Variants in CACHD1 observed in about 807,000 individuals in gnomAD.
CACHD1 encodes the protein VWFA and cache domain-containing protein 1.
A neutral mutation model predicts 138.7 loss-of-function variants in CACHD1; 71 were observed. The ratio of observed to expected loss-of-function variants is 0.51; its 90% CI spans 0.42 to 0.62. The LOEUF is 0.62. CACHD1 is among the 20% of genes least tolerant of loss of function. The probability of loss-of-function intolerance (pLI) is 0.00; values close to 1 mark genes in which losing one functional copy is unlikely to be tolerated. For missense variants in CACHD1, 1,389 were observed against 1,625.3 expected (o/e 0.85, Z 2.50); for synonymous variants, 578 against 591.5 (o/e 0.98, Z 0.33).
chr1:64,681,330 G>T lies in CACHD1; in HGVS notation c.3479G>T (p.Gly1160Val), dbSNP rs138517999. 5 of 1,612,760 alleles carry T rather than the reference G, an allele frequency of 3.1e-6. No homozygotes were observed. Among genetic ancestry groups the T allele is most frequent in the Non-Finnish European group, 3.4e-6 (4 of 1,178,934 alleles). The part of the protein sequence containing the change: ...ERDDDSHEDR[G>V]IISNTRFIAA... Reference sequence around the variant, plus strand: ...GACGACGACAGCCACGAAGACAGAGGCATCAGTGAGTATTCAGCTGCCTTG... The same window carrying T: ...GACGACGACAGCCACGAAGACAGAGTCATCAGTGAGTATTCAGCTGCCTTG... Residue 1160 changes from glycine (G) to valine (V), a missense_variant, in exon 25 of 27, where the codon GGC (glycine) becomes GTC (valine). Gly to Val is a moderately radical substitution (Grantham distance 109). Around this residue, in one of 5 missense-constraint regions of CACHD1, gnomAD observed 250 missense variants for 292.9 expected, o/e 0.85. Transcript: ENST00000651257.
Position 64,602,470 on chromosome 1 carries a change from A to ATTTTTTTT in CACHD1, c.411-327_411-320dup, listed in dbSNP as rs10694627. Among the ~76,000 whole-genome samples, 5 of 125,212 alleles carry ATTTTTTTT rather than the reference A, an allele frequency of 4.0e-5. No individual in the cohort carries two copies. In the East Asian group the frequency reaches 7.2e-4, roughly 18 times the overall value. The allele number at this position is 125,212 out of a possible 152,430, so 82.1% of individuals were successfully genotyped here. ...CATGTAACATCAGAGCTCCCATCTG[A>ATTTTTTTT]TTTTTTTTTTTTTTTTGTAGCTCTA... is the stretch of plus-strand genomic sequence containing the variant. On this transcript the variant is annotated intron_variant, in intron 3 of 26. Coordinates refer to ENST00000651257, the MANE Select transcript of CACHD1 (RefSeq NM_020925.4).
At chr1:64,552,628 C>T (rs1306804919) in intron 2 of CACHD1, among the ~76,000 whole-genome samples, 1 of 152,036 alleles carries the variant, frequency 6.6e-6, no homozygotes, top group Non-Finnish European at 1.5e-5. Context: ...CACATGCCCA[C>T]ATGCCCGGCT....
intron 4 of CACHD1, among the ~76,000 whole-genome samples, chr1:64,616,994 T>G (rs1173657360): frequency 6.6e-6 from 1 of 151,974 alleles, no homozygotes; most frequent in African/African-American, 2.4e-5. Context: ...GCTTTTTTTT[T>G]TTAAGTTAGA....
rs530469565 is a variant in CACHD1 at position 64,576,156 on chromosome 1, G to A, written c.262-6000G>A. Among the ~76,000 whole-genome samples, 91 of 152,262 alleles carry A rather than the reference G, an allele frequency of 6.0e-4. 1 individual carries two copies. The highest frequency in any genetic ancestry group is 3.4e-3 in the Middle Eastern group (1 of 294). Reference sequence around the variant, plus strand: ...CATCCGTATTCAGGAACCCCTTAGGGGATGAAGGGGAAAGGATAAAGAAGG... The same window carrying A: ...CATCCGTATTCAGGAACCCCTTAGGAGATGAAGGGGAAAGGATAAAGAAGG... On this transcript the variant is annotated intron_variant, in intron 2 of 26. Coordinates refer to ENST00000651257, the MANE Select transcript of CACHD1 (RefSeq NM_020925.4).
intron 17 of CACHD1, among the ~76,000 whole-genome samples, chr1:64,672,616 ACTAT>A (rs1315011177): frequency 6.6e-6 from 1 of 152,214 alleles, no homozygotes; most frequent in Non-Finnish European, 1.5e-5. Context: ...AAGGTTCAGT[ACTAT>A]CATCACTTTC....
At chr1:64,473,891 G>A (rs186609090) in intron 1 of CACHD1, among the ~76,000 whole-genome samples, 1 of 152,242 alleles carries the variant, frequency 6.6e-6, no homozygotes, top group Admixed American at 6.5e-5. Context: ...GAGTTGCAAG[G>A]GGGTAATTTT....
In CACHD1 at chr1:64,691,327, C is replaced by T. The variant is rs1650545199; in HGVS notation, c.3591C>T (p.Tyr1197=). 3 of 1,613,706 alleles carry T rather than the reference C, an allele frequency of 1.9e-6. No homozygotes were observed. Among genetic ancestry groups the T allele is most frequent in the South Asian group, 2.2e-5 (2 of 91,076 alleles). The change falls in exon 27 of 27, where the codon TAC becomes TAT. Residue 1197 remains tyrosine (Y), a synonymous_variant. Coordinates refer to ENST00000651257, the MANE Select transcript of CACHD1 (RefSeq NM_020925.4). ...GRSGTESDHG[Y]STMSPQEDSE... is the part of the protein sequence containing the mutation. Reference sequence around the variant, plus strand: ...TTTGTTTTGTTCTTTTTCTAGGTTACAGCACCATGAGCCCACAGGAGGACA... The same window carrying T: ...TTTGTTTTGTTCTTTTTCTAGGTTATAGCACCATGAGCCCACAGGAGGACA...
At chr1:64,683,628 A>T (rs1650258867) in intron 26 of CACHD1, among the ~76,000 whole-genome samples, 1 of 152,190 alleles carries the variant, frequency 6.6e-6, no homozygotes, top group African/African-American at 2.4e-5. Context: ...CAGTATCTGA[A>T]CACTAAGGCA....
intron 1 of CACHD1, among the ~76,000 whole-genome samples, chr1:64,489,187 T>C (rs927255126): frequency 2.0e-5 from 3 of 152,214 alleles, no homozygotes; most frequent in Non-Finnish European, 4.4e-5. Flanking sequence ...ATTACTATGC[T>C]TCATTCTTCC....
At chr1:64,663,946 C>G in intron 14 of CACHD1, 109 bp downstream of exon 14, 1 of 1,416,502 alleles carries the variant, frequency 7.1e-7, no homozygotes, top group Non-Finnish European at 9.7e-7. Flanking sequence ...ATCTGTGCCT[C>G]TCAGCTGGAG....
intron 2 of CACHD1, among the ~76,000 whole-genome samples, chr1:64,559,014 G>A (rs1365174242): frequency 1.3e-5 from 2 of 152,204 alleles, no homozygotes; most frequent in Admixed American, 6.5e-5. Context: ...TGGCGAGGTT[G>A]CAGAGAAAAG....
Position 64,548,239 on chromosome 1 carries a change from T to C in CACHD1, c.199-2355T>C, listed in dbSNP as rs182490581. Reference sequence around the variant, plus strand: ...CTTGAGCAGGGTGCATCTGGAGTAGTTCATGCCTCCTTCATCAGTCAACTC... The same window carrying C: ...CTTGAGCAGGGTGCATCTGGAGTAGCTCATGCCTCCTTCATCAGTCAACTC... On this transcript the variant is annotated intron_variant, in intron 1 of 26. Coordinates refer to ENST00000651257, the MANE Select transcript of CACHD1 (RefSeq NM_020925.4). Among the ~76,000 whole-genome samples the C allele has an allele frequency of 7.9e-5, 12 of 152,288 alleles. No homozygotes were observed. The East Asian group carries it at 2.1e-3, about 27-fold the overall frequency.
chr1:64,502,178 C>T (rs1646344108), intron 1 of CACHD1, among the ~76,000 whole-genome samples: 1 of 152,188 alleles, frequency 6.6e-6, no homozygotes, highest in African/African-American at 2.4e-5. Flanking sequence ...GGACAGAAAA[C>T]ATTGCAAGTA....
intron 2 of CACHD1, among the ~76,000 whole-genome samples, chr1:64,556,568 A>G (rs1261233904): frequency 6.6e-6 from 1 of 152,206 alleles, no homozygotes; most frequent in East Asian, 1.9e-4. Context: ...CTAACTTGGC[A>G]GGAAATCTAA....
chr1:64,569,068 T>A (rs1051508233), intron 2 of CACHD1, among the ~76,000 whole-genome samples: 1 of 151,972 alleles, frequency 6.6e-6, no homozygotes, highest in African/African-American at 2.4e-5. Flanking sequence ...ATTACAGGCA[T>A]GCGCCACCAC....
chr1:64,559,096 C>T (rs935237255), intron 2 of CACHD1, among the ~76,000 whole-genome samples: 2 of 152,054 alleles, frequency 1.3e-5, no homozygotes, highest in Admixed American at 6.6e-5. Context: ...GGCGATTCCT[C>T]GAAGAGCTAA....
chr1:64,577,460 GGTTGATCT>G (rs1646977230), intron 2 of CACHD1, among the ~76,000 whole-genome samples: 1 of 152,092 alleles, frequency 6.6e-6, no homozygotes, highest in African/African-American at 2.4e-5. Flanking sequence ...GTGGGGAGAG[GGTTGATCT>G]CCATATTACA....
At chr1:64,684,937 G>C (rs1650317511) in intron 26 of CACHD1, among the ~76,000 whole-genome samples, 1 of 152,124 alleles carries the variant, frequency 6.6e-6, no homozygotes, top group African/African-American at 2.4e-5. Flanking sequence ...AGCCTCCCAA[G>C]TAACTGGGAT....
chr1:64,477,602 TATTATTATTATTATTA>T (rs1557454954), intron 1 of CACHD1, among the ~76,000 whole-genome samples: 16 of 144,204 alleles, frequency 1.1e-4, no homozygotes, highest in African/African-American at 3.9e-4. Flanking sequence ...TTATTATTAT[TATTATTATTATTATTA>T]TTATTATTTT....
Sources: gnomAD v4.1 joint callset for allele counts (sites outside exome capture counted in the v4.1 genomes callset) on GRCh38, gnomAD v4.1.1 for gene constraint, gnomAD v4.1.1 regional missense constraint, MANE v1.5 for transcripts, NCBI Gene and HGNC (gene_info 2026-07-23, HGNC 2026-07-21) for gene names.